The following NLGN1 variants were observed in gnomAD, a reference collection of about 807,000 sequenced individuals.
NLGN1 encodes neuroligin 1, also known as neuroligin-1.
In NLGN1, 12 loss-of-function variants were observed where a neutral mutation model predicts 65.5. The ratio of observed to expected loss-of-function variants is 0.18; its 90% confidence interval spans 0.12 to 0.30. The LOEUF is 0.30. Ranked by LOEUF, NLGN1 falls within the 10% of genes least tolerant of loss-of-function variation. NLGN1 has a pLI of 1.00. For missense variants in NLGN1, 750 were observed against 1,007.1 expected, an observed-to-expected ratio of 0.74 and a Z score of 3.46; for synonymous variants, 350 against 359.5, an observed-to-expected ratio of 0.97 and a Z score of 0.30.
At position 174,135,574 on chromosome 3, in the gene NLGN1, G is replaced by A. The variant is rs1277919599; in HGVS notation, c.647-139741G>A. 3.3e-5 allele frequency among the ~76,000 whole-genome samples: 5 copies of A among 152,094 alleles called. No homozygotes were observed. The East Asian group carries it at 9.6e-4, about 29-fold the overall frequency. On this transcript the variant is annotated intron_variant, in intron 4 of 6. Transcript: ENST00000457714. ...AGTAAATGGGTTTGAAGTGCTAACAGTTTTGACTTTTAAAAGAATATTTGG... is the reference window on the plus strand; with the variant it reads ...AGTAAATGGGTTTGAAGTGCTAACAATTTTGACTTTTAAAAGAATATTTGG...
intron 4 of NLGN1, among the ~76,000 whole-genome samples, chr3:174,088,757 A>AAAAT (rs71162375): frequency 0.14 from 20,393 of 141,144 alleles, 1,562 homozygotes; most frequent in East Asian, 0.16. Context: ...CATCTCAATA[A>AAAAT]AAATAAATAA....
exon 3 of NLGN1, chr3:173,604,458 T>C (rs3844523): frequency 0.79 from 682,534 of 865,296 alleles, 270,135 homozygotes; most frequent in Non-Finnish European, 0.81. Context: ...ATCTGCTGTC[T>C]GAAGATCTTT....
chr3:173,567,844 A>C (rs986399661), intron 2 of NLGN1, among the ~76,000 whole-genome samples: 1 of 152,122 alleles, frequency 6.6e-6, no homozygotes, highest in Non-Finnish European at 1.5e-5. Flanking sequence ...CTGTAGAGGA[A>C]AGGGAAAATA....
intron 3 of NLGN1, among the ~76,000 whole-genome samples, chr3:173,611,329 A>G (rs1004491050): frequency 6.6e-6 from 1 of 152,064 alleles, no homozygotes; most frequent in African/African-American, 2.4e-5. Context: ...TATCTTGCCC[A>G]AAGATTCATA....
At chr3:173,545,542 G>GT (rs962787328) in intron 2 of NLGN1, among the ~76,000 whole-genome samples, 4 of 152,072 alleles carry the variant, frequency 2.6e-5, no homozygotes, top group Admixed American at 1.3e-4. Flanking sequence ...AAACAGATTG[G>GT]TTTTTTTAAA....
intron 4 of NLGN1, among the ~76,000 whole-genome samples, chr3:174,032,885 A>G (rs1167583607): frequency 6.6e-6 from 1 of 152,030 alleles, no homozygotes; most frequent in Non-Finnish European, 1.5e-5. Context: ...TCTAACCCCA[A>G]CAGGGGTCAG....
chr3:173,922,772 A>T (rs1192795130), intron 4 of NLGN1, among the ~76,000 whole-genome samples: 2 of 152,110 alleles, frequency 1.3e-5, no homozygotes, highest in African/African-American at 2.4e-5. Context: ...CAATTTCCCC[A>T]ACTGATAGAA....
chr3:174,109,399 A>C (rs547031783), intron 4 of NLGN1, among the ~76,000 whole-genome samples: 15 of 152,024 alleles, frequency 9.9e-5, no homozygotes, highest in African/African-American at 3.1e-4. Flanking sequence ...TACTCTGTTG[A>C]ATAGCTATTA....
intron 4 of NLGN1, among the ~76,000 whole-genome samples, chr3:174,079,265 C>T (rs774579862): frequency 4.6e-5 from 7 of 151,846 alleles, no homozygotes; most frequent in Admixed American, 6.6e-5. Context: ...GATATACATG[C>T]GGCCAACACT....
intron 4 of NLGN1, among the ~76,000 whole-genome samples, chr3:174,211,712 A>G (rs1736593584): frequency 1.4e-5 from 2 of 146,740 alleles, no homozygotes; most frequent in South Asian, 4.3e-4. Flanking sequence ...CCACATCCCC[A>G]TCAGATTAGT....
At chr3:174,045,762 AT>A (rs377354033) in intron 4 of NLGN1, among the ~76,000 whole-genome samples, 59 of 152,192 alleles carry the variant, frequency 3.9e-4, no homozygotes, top group African/African-American at 1.4e-3. Context: ...TCTTTACTCT[AT>A]ATTTTACTGA....
At chr3:173,829,386 A>G (rs9833564) in intron 4 of NLGN1, among the ~76,000 whole-genome samples, 151,699 of 152,276 alleles carry the variant, frequency 1, 75,564 homozygotes, top group East Asian at 1. Flanking sequence ...TGACTTTCAG[A>G]TTTGATTTTT....
intron 4 of NLGN1, among the ~76,000 whole-genome samples, chr3:173,992,028 A>G (rs911604073): frequency 6.6e-6 from 1 of 152,056 alleles, no homozygotes; most frequent in Middle Eastern, 3.2e-3. Flanking sequence ...GGGTTTCACT[A>G]TGTTGGTCAA....
chr3:173,568,391 G>C (rs370347798), intron 2 of NLGN1, among the ~76,000 whole-genome samples: 7 of 151,838 alleles, frequency 4.6e-5, no homozygotes, highest in African/African-American at 9.7e-5. Flanking sequence ...CCCCCACCAG[G>C]CCTGGCTAAT....
chr3:173,799,525 C>T (rs1035893008), intron 3 of NLGN1, among the ~76,000 whole-genome samples: 1 of 151,928 alleles, frequency 6.6e-6, no homozygotes, highest in African/African-American at 2.4e-5. Context: ...AGGCATAATT[C>T]CATTATATTA....
At chr3:173,494,326 A>G (rs1402545227) in intron 2 of NLGN1, among the ~76,000 whole-genome samples, 1 of 150,802 alleles carries the variant, frequency 6.6e-6, no homozygotes, top group African/African-American at 2.5e-5. Context: ...GCATTTGTGT[A>G]TCTTCTTTAG....
intron 4 of NLGN1, among the ~76,000 whole-genome samples, chr3:173,986,245 G>T (rs1719890215): frequency 6.6e-6 from 1 of 152,070 alleles, no homozygotes; most frequent in Admixed American, 6.5e-5. Flanking sequence ...AAGGTGGGCG[G>T]ATCACGAGGT....
chr3:173,910,544 T>C (rs545197727), intron 4 of NLGN1: 1 of 149,000 alleles, frequency 6.7e-6, no homozygotes, highest in African/African-American at 2.6e-5. Flanking sequence ...AATAATTAAG[T>C]AATCCCTTTA....
chr3:174,007,949 AGTGTGT>A (rs5854543), intron 4 of NLGN1, among the ~76,000 whole-genome samples: 6,655 of 148,052 alleles, frequency 0.045, 253 homozygotes, highest in African/African-American at 0.096. Flanking sequence ...GACCAGTCTA[AGTGTGT>A]GTGTGTGTGT....
Sources: gnomAD v4.1 joint callset for allele counts (sites outside exome capture counted in the v4.1 genomes callset) on GRCh38, gnomAD v4.1.1 for gene constraint, MANE v1.5 for transcripts, NCBI Gene and HGNC (gene_info 2026-07-23, HGNC 2026-07-21) for gene names.